GRID2: variants seen among roughly 807,000 people sequenced by gnomAD.
The protein encoded by GRID2 is glutamate receptor ionotropic, delta-2.
A neutral mutation model predicts 114.8 loss-of-function variants in GRID2; 33 were observed. That is an observed-to-expected ratio of 0.29 (90% CI 0.22 to 0.38). The LOEUF (loss-of-function observed/expected upper bound fraction) is 0.38. Ranked by LOEUF, GRID2 falls within the 10% of genes least tolerant of loss-of-function variation. The pLI is 1.00. For missense variants in GRID2, 1,184 were observed against 1,257.7 expected, an observed-to-expected ratio of 0.94 and a Z score of 0.89; for synonymous variants, 505 against 449.9, an observed-to-expected ratio of 1.12 and a Z score of -1.55.
At chr4:92,450,915 T>C (rs988856889) in intron 1 of GRID2, among the ~76,000 whole-genome samples, 14 of 148,890 alleles carry the variant, frequency 9.4e-5, no homozygotes, top group Non-Finnish European at 1.9e-4. Flanking sequence ...AATAAAATAA[T>C]ATTTAAATAA....
chr4:93,281,491 A>G (rs1449169106), intron 8 of GRID2, among the ~76,000 whole-genome samples: 2 of 151,998 alleles, frequency 1.3e-5, no homozygotes, highest in Non-Finnish European at 1.5e-5. Flanking sequence ...TTTAACTTGT[A>G]TTCTTTAGCA....
At chr4:92,932,745 C>A (rs149140498) in intron 2 of GRID2, among the ~76,000 whole-genome samples, 103 of 151,272 alleles carry the variant, frequency 6.8e-4, no homozygotes, top group Admixed American at 6.4e-3. Context: ...GCAACAAAAA[C>A]GAATGCAGGC....
intron 2 of GRID2, among the ~76,000 whole-genome samples, chr4:92,884,071 T>C (rs1188527857): frequency 2.6e-5 from 4 of 152,146 alleles, no homozygotes; most frequent in Non-Finnish European, 5.9e-5. Context: ...TAAAAATCGG[T>C]TTAGCCACTT....
chr4:93,654,094 C>T (rs1332800853), intron 14 of GRID2, among the ~76,000 whole-genome samples: 1 of 152,176 alleles, frequency 6.6e-6, no homozygotes, highest in African/African-American at 2.4e-5. Flanking sequence ...GCCCAGATGT[C>T]TGTCTGTCTA....
intron 2 of GRID2, among the ~76,000 whole-genome samples, chr4:92,954,809 T>C (rs1414371149): frequency 7.2e-6 from 1 of 138,500 alleles, no homozygotes; most frequent in Non-Finnish European, 1.5e-5. Flanking sequence ...TGTTCCCCTT[T>C]CTGTGTCCAT....
chr4:92,310,507 C>T (rs188842785), intron 1 of GRID2, among the ~76,000 whole-genome samples: 29 of 151,958 alleles, frequency 1.9e-4, no homozygotes, highest in Non-Finnish European at 3.2e-4. Flanking sequence ...ATTAGAACAT[C>T]TATGGATTCA....
Position 92,876,601 on chromosome 4 carries a change from G to A in GRID2, c.245-208394G>A, listed in dbSNP as rs1051413422. 3.3e-5 allele frequency among the ~76,000 whole-genome samples: 5 copies of A among 152,020 alleles called. No homozygotes were observed. In the South Asian group the frequency reaches 6.2e-4, roughly 19 times the overall value. ...ATTACAGGCGTGAGCCACCGCACCCGGCCAAAAACCCAATTTTCTTGATTA... is the reference window on the plus strand; with the variant it reads ...ATTACAGGCGTGAGCCACCGCACCCAGCCAAAAACCCAATTTTCTTGATTA... On this transcript the variant is annotated intron_variant, in intron 2 of 15. Transcript: ENST00000282020.
intron 2 of GRID2, among the ~76,000 whole-genome samples, chr4:92,857,770 A>G (rs946424549): frequency 6.6e-6 from 1 of 152,204 alleles, no homozygotes; most frequent in Non-Finnish European, 1.5e-5. Flanking sequence ...TCCAATGTAG[A>G]TAGGACAGCC....
At chr4:92,575,948 C>T (rs1727869484) in intron 1 of GRID2, among the ~76,000 whole-genome samples, 2 of 152,208 alleles carry the variant, frequency 1.3e-5, no homozygotes, top group South Asian at 4.1e-4. Flanking sequence ...GATCAGGGTC[C>T]CCCTTAAAGA....
At chr4:93,288,254 G>A (rs1015919972) in intron 8 of GRID2, among the ~76,000 whole-genome samples, 1 of 152,196 alleles carries the variant, frequency 6.6e-6, no homozygotes, top group African/African-American at 2.4e-5. Context: ...CTGTTGAGAT[G>A]ATGCAGCAGT....
At chr4:92,936,174 C>A (rs1458690631) in intron 2 of GRID2, among the ~76,000 whole-genome samples, 1 of 146,644 alleles carries the variant, frequency 6.8e-6, no homozygotes, top group African/African-American at 2.4e-5. Context: ...TCAATTGTTA[C>A]ATTTATATTG....
intron 2 of GRID2, among the ~76,000 whole-genome samples, chr4:92,692,340 G>T (rs568845805): frequency 5.4e-4 from 82 of 152,074 alleles, no homozygotes; most frequent in African/African-American, 2.0e-3. Flanking sequence ...AAAAAATTAG[G>T]CATTATAAAA....
chr4:92,337,174 T>C (rs1727229677), intron 1 of GRID2, among the ~76,000 whole-genome samples: 1 of 152,082 alleles, frequency 6.6e-6, no homozygotes, highest in African/African-American at 2.4e-5. Flanking sequence ...CTTTTGTCCT[T>C]TTATTGTTTC....
At chr4:92,877,167 C>G (rs2149452686) in intron 2 of GRID2, among the ~76,000 whole-genome samples, 1 of 152,260 alleles carries the variant, frequency 6.6e-6, no homozygotes, top group East Asian at 1.9e-4. Context: ...ACTTAAATGA[C>G]AAGGAAATGA....
At chr4:93,155,020 A>G (rs1737053797) in intron 4 of GRID2, among the ~76,000 whole-genome samples, 1 of 151,860 alleles carries the variant, frequency 6.6e-6, no homozygotes, top group African/African-American at 2.4e-5. Context: ...CCTACAATTT[A>G]ATATTTTCAG....
At chr4:92,777,946 G>T (rs1738888376) in intron 2 of GRID2, among the ~76,000 whole-genome samples, 1 of 152,068 alleles carries the variant, frequency 6.6e-6, no homozygotes, top group Non-Finnish European at 1.5e-5. Flanking sequence ...GACTAATACA[G>T]GGAGTCCTAC....
chr4:92,380,850 T>C (rs1729589347), intron 1 of GRID2, among the ~76,000 whole-genome samples: 1 of 152,044 alleles, frequency 6.6e-6, no homozygotes. Flanking sequence ...CATATAATAC[T>C]ATATCTCCTC....
intron 2 of GRID2, among the ~76,000 whole-genome samples, chr4:92,767,645 G>A (rs990164591): frequency 4.6e-5 from 7 of 152,024 alleles, no homozygotes; most frequent in Non-Finnish European, 7.4e-5. Flanking sequence ...CAGCTACTCC[G>A]GAGACTGAGG....
chr4:93,455,222 A>G (rs1419351428), intron 10 of GRID2, among the ~76,000 whole-genome samples: 5 of 152,256 alleles, frequency 3.3e-5, no homozygotes, highest in Non-Finnish European at 5.9e-5. Flanking sequence ...GTAAAATGCC[A>G]TGTTGAAGTT....
Sources: allele counts gnomAD v4.1 joint callset (sites outside exome capture counted in the v4.1 genomes callset), GRCh38; gene constraint gnomAD v4.1.1; transcripts MANE v1.5; gene names NCBI Gene and HGNC (gene_info 2026-07-23, HGNC 2026-07-21).